SEC24B: variants seen among roughly 807,000 people sequenced by gnomAD.
SEC24B encodes SEC24 homolog B, COPII component.
Under a neutral mutation model 142.8 loss-of-function variants are expected in SEC24B, and 45 were observed. The observed-to-expected ratio is 0.32, with a 90% CI of 0.25 to 0.40. The LOEUF (loss-of-function observed/expected upper bound fraction) is 0.40, where lower values mean the gene tolerates loss of function less well. Among genes scored for constraint, SEC24B ranks in the 10% least tolerant of loss-of-function variants. The pLI, the probability that SEC24B is intolerant of heterozygous loss-of-function variation, is 1.00. For synonymous variants in SEC24B, 574 were observed against 568.2 expected, an observed-to-expected ratio of 1.01 and a Z score of -0.15; for missense variants, 1,409 against 1,526.8, an observed-to-expected ratio of 0.92 and a Z score of 1.29.
At chr4:109,482,979 T>TATATATATATATAC (rs781527364) in intron 4 of SEC24B, among the ~76,000 whole-genome samples, 3 of 26,412 alleles carry the variant, frequency 1.1e-4, no homozygotes, top group Non-Finnish European at 2.3e-4. Context: ...TATATATATA[T>TATATATATATATAC]ACACACACAC....
At chr4:109,449,709 G>GT (rs1729865635) in intron 1 of SEC24B, among the ~76,000 whole-genome samples, 1 of 151,998 alleles carries the variant, frequency 6.6e-6, no homozygotes, top group African/African-American at 2.4e-5. Flanking sequence ...TCTCATGGTG[G>GT]TCCTGCCTTC....
At chr4:109,497,150 G>A (rs1180349921) in intron 6 of SEC24B, among the ~76,000 whole-genome samples, 1 of 152,190 alleles carries the variant, frequency 6.6e-6, no homozygotes, top group Non-Finnish European at 1.5e-5. Flanking sequence ...CACTACAGTA[G>A]TACAGTTGAG....
At chr4:109,434,622 T>A (rs904764050) in intron 1 of SEC24B, among the ~76,000 whole-genome samples, 3 of 152,210 alleles carry the variant, frequency 2.0e-5, no homozygotes, top group Non-Finnish European at 4.4e-5. Context: ...CTGACCCAGT[T>A]CGGCCTCAAG....
At chr4:109,446,252 G>A (rs1404874235) in intron 1 of SEC24B, among the ~76,000 whole-genome samples, 3 of 152,164 alleles carry the variant, frequency 2.0e-5, no homozygotes, top group African/African-American at 7.2e-5. Flanking sequence ...GAGAGACACA[G>A]GACAAGTCAG....
At chr4:109,494,356 T>G (rs1236762890) in intron 5 of SEC24B, among the ~76,000 whole-genome samples, 3 of 151,988 alleles carry the variant, frequency 2.0e-5, no homozygotes, top group Admixed American at 6.6e-5. Flanking sequence ...GGGGTGGAGT[T>G]TCTGTAAAAA....
chr4:109,532,127 G>A (rs555035301), intron 20 of SEC24B, among the ~76,000 whole-genome samples: 36 of 152,220 alleles, frequency 2.4e-4, no homozygotes, highest in Non-Finnish European at 4.3e-4. Flanking sequence ...AAAGTGCTGG[G>A]TTTACAGGCA....
chr4:109,508,534 TC>T, intron 7 of SEC24B, among the ~76,000 whole-genome samples: 1 of 152,050 alleles, frequency 6.6e-6, no homozygotes, highest in South Asian at 2.1e-4. Flanking sequence ...AACACTGTAC[TC>T]CAGCCTGGGT....
At chr4:109,456,143 A>C (rs926535907) in intron 1 of SEC24B, among the ~76,000 whole-genome samples, 13 of 152,140 alleles carry the variant, frequency 8.5e-5, no homozygotes, top group African/African-American at 2.6e-4. Context: ...ATTATAAATG[A>C]TACTGTTTTT....
intron 6 of SEC24B, among the ~76,000 whole-genome samples, chr4:109,501,275 A>G (rs1736113869): frequency 1.3e-5 from 2 of 152,224 alleles, no homozygotes; most frequent in African/African-American, 4.8e-5. Flanking sequence ...GCTATATCAT[A>G]TAGCCCAGGT....
At chr4:109,528,275 A>T (rs925007742) in intron 18 of SEC24B, among the ~76,000 whole-genome samples, 1 of 151,918 alleles carries the variant, frequency 6.6e-6, no homozygotes, top group East Asian at 1.9e-4. Flanking sequence ...ACAAGAAAAA[A>T]ATTAGCTGGG....
intron 4 of SEC24B, among the ~76,000 whole-genome samples, chr4:109,484,851 CAAAA>C (rs36027800): frequency 4.1e-5 from 3 of 72,728 alleles, no homozygotes; most frequent in African/African-American, 4.6e-5. Flanking sequence ...GACTCTGTCT[CAAAA>C]AAAAAAAAAA....
intron 3 of SEC24B, among the ~76,000 whole-genome samples, chr4:109,474,915 A>G (rs1431141010): frequency 1.3e-5 from 2 of 152,230 alleles, no homozygotes; most frequent in Non-Finnish European, 2.9e-5. Context: ...GATACTTTAT[A>G]TCTCATTAAT....
intron 9 of SEC24B, among the ~76,000 whole-genome samples, 169 bp from the exon 10 acceptor site, chr4:109,513,578 A>G (rs1403608490): frequency 6.6e-6 from 1 of 152,110 alleles, no homozygotes; most frequent in Non-Finnish European, 1.5e-5. Context: ...CACCGCCCTG[A>G]TCTATTTTTT....
chr4:109,492,805 A>G (rs1023952152), intron 5 of SEC24B, among the ~76,000 whole-genome samples: 1 of 151,568 alleles, frequency 6.6e-6, no homozygotes, highest in Non-Finnish European at 1.5e-5. Flanking sequence ...GCCTGGTACT[A>G]CTGGGCTCAA....
intron 11 of SEC24B, among the ~76,000 whole-genome samples, chr4:109,517,085 A>G (rs910387997): frequency 6.6e-6 from 1 of 152,178 alleles, no homozygotes; most frequent in Non-Finnish European, 1.5e-5. Flanking sequence ...ATTTAATACA[A>G]TTGTCGTATG....
Position 109,533,553 on chromosome 4 carries a change from T to C in SEC24B, c.3496-40T>C, listed in dbSNP as rs1725163136. ...AGAACATTAATGAAAATGAATTAAC[T>C]ATTAGGGAGTTTTAATATTTTGTTG... On this transcript the variant is annotated intron_variant, in intron 21 of 23. Coordinates refer to ENST00000265175, the MANE Select transcript of SEC24B (RefSeq NM_006323.5). The C allele has an allele frequency of 3.3e-6, 4 of 1,196,288 alleles. No homozygotes were observed. In the East Asian group the frequency reaches 9.3e-5, roughly 28 times the overall value. The allele number at this position is 1,196,288 out of a possible 1,614,324, so 74.1% of individuals were successfully genotyped here. A position where few individuals can be genotyped will look rare whatever the true frequency, so the allele number is the denominator to read the frequency against.
intron 11 of SEC24B, among the ~76,000 whole-genome samples, chr4:109,517,552 T>C (rs1723074010): frequency 6.6e-6 from 1 of 152,184 alleles, no homozygotes; most frequent in Non-Finnish European, 1.5e-5. Flanking sequence ...TTAATAGCAA[T>C]ATATTGTATT....
chr4:109,471,428 A>G (rs1299283236), intron 2 of SEC24B, among the ~76,000 whole-genome samples: 1 of 152,194 alleles, frequency 6.6e-6, no homozygotes, highest in Non-Finnish European at 1.5e-5. Context: ...TATAGGTATG[A>G]GCAACCACAC....
chr4:109,443,399 T>C (rs1729114532), intron 1 of SEC24B, among the ~76,000 whole-genome samples: 2 of 152,190 alleles, frequency 1.3e-5, no homozygotes, highest in Admixed American at 1.3e-4. Flanking sequence ...TATGTAATCC[T>C]AACAGTTATA....
Sources: gnomAD v4.1 joint callset for allele counts (sites outside exome capture counted in the v4.1 genomes callset) on GRCh38, gnomAD v4.1.1 for gene constraint, MANE v1.5 for transcripts, NCBI Gene and HGNC (gene_info 2026-07-23, HGNC 2026-07-21) for gene names.